Variants in PTPRM observed in about 807,000 individuals in gnomAD.
The protein encoded by PTPRM is protein tyrosine phosphatase receptor type M, also known as receptor-type tyrosine-protein phosphatase mu.
PTPRM carries 47 observed loss-of-function variants against 186.7 expected under a neutral mutation model. That is an observed-to-expected ratio of 0.25 (90% CI 0.20 to 0.32). The LOEUF (loss-of-function observed/expected upper bound fraction) is 0.32. Ranked by LOEUF, PTPRM falls within the 10% of genes least tolerant of loss-of-function variation. The probability of loss-of-function intolerance (pLI) is 1.00; values close to 1 mark genes in which losing one functional copy is unlikely to be tolerated. For synonymous variants in PTPRM, 668 were observed against 674.9 expected (o/e 0.99, Z 0.16); for missense variants, 1,494 against 1,865.0 (o/e 0.80, Z 3.66).
At chr18:8,130,173 A>T (rs888978519) in intron 13 of PTPRM, among the ~76,000 whole-genome samples, 1 of 152,132 alleles carries the variant, frequency 6.6e-6, no homozygotes, top group African/African-American at 2.4e-5. Context: ...TTCATTTCTG[A>T]TTATTTCTCA....
intron 1 of PTPRM, among the ~76,000 whole-genome samples, chr18:7,654,280 T>C (rs969818541): frequency 6.6e-6 from 1 of 152,234 alleles, no homozygotes; most frequent in South Asian, 2.1e-4. Flanking sequence ...CTGTTCATTC[T>C]GTTGATAGTT....
intron 14 of PTPRM, among the ~76,000 whole-genome samples, chr18:8,187,904 G>A (rs890878230): frequency 3.9e-5 from 6 of 152,146 alleles, no homozygotes; most frequent in Admixed American, 1.3e-4. Flanking sequence ...CATTCCATTC[G>A]CCTTTTGGAG....
chr18:7,906,262 A>G (rs938679803), intron 3 of PTPRM, among the ~76,000 whole-genome samples: 3 of 152,014 alleles, frequency 2.0e-5, no homozygotes, highest in Non-Finnish European at 2.9e-5. Flanking sequence ...TCCTTTCACT[A>G]TGGGTTTTCT....
At chr18:8,009,061 T>TA (rs1284766310) in intron 7 of PTPRM, among the ~76,000 whole-genome samples, 1 of 152,188 alleles carries the variant, frequency 6.6e-6, no homozygotes, top group African/African-American at 2.4e-5. Flanking sequence ...GTTGGAAACT[T>TA]AAGCTGAGTT....
intron 1 of PTPRM, among the ~76,000 whole-genome samples, chr18:7,654,314 G>T (rs2038796835): frequency 6.6e-6 from 1 of 152,106 alleles, no homozygotes; most frequent in African/African-American, 2.4e-5. Flanking sequence ...AAGATCTTCA[G>T]TTTAACCCAC....
intron 7 of PTPRM, among the ~76,000 whole-genome samples, chr18:8,022,358 A>T (rs2085287444): frequency 6.6e-6 from 1 of 152,226 alleles, no homozygotes; most frequent in Admixed American, 6.5e-5. Flanking sequence ...CACATGAGTA[A>T]GAGCACAAGA....
chr18:8,380,435 C>T lies in PTPRM; in HGVS notation c.3918+8C>T. On this transcript the variant is annotated splice_region_variant and intron_variant, in intron 29 of 32. Coordinates refer to ENST00000580170, the MANE Select transcript of PTPRM (RefSeq NM_001105244.2). The stretch of plus-strand genomic sequence containing the variant: ...GATGTGGATCCTGCCCAGGTGAGAC[C>T]CGGACTTCTTACAGTCAGAACTAGT... 6.2e-7 allele frequency: 1 copy of T among 1,613,976 alleles called. No homozygotes were observed. Among genetic ancestry groups the T allele is most frequent in the Non-Finnish European group, 8.5e-7 (1 of 1,179,954 alleles).
intron 4 of PTPRM, among the ~76,000 whole-genome samples, chr18:7,924,044 G>T (rs2051026411): frequency 6.6e-6 from 1 of 152,208 alleles, no homozygotes; most frequent in African/African-American, 2.4e-5. Flanking sequence ...AAAGAATAAT[G>T]GTTGGAGCAA....
intron 21 of PTPRM, among the ~76,000 whole-genome samples, chr18:8,317,282 C>T (rs559662673): frequency 2.0e-4 from 31 of 151,884 alleles, no homozygotes; most frequent in African/African-American, 6.0e-4. Flanking sequence ...AGATTGGCTA[C>T]GGGGTTCAGG....
At chr18:7,689,539 A>C (rs1316460686) in intron 1 of PTPRM, among the ~76,000 whole-genome samples, 1 of 152,224 alleles carries the variant, frequency 6.6e-6, no homozygotes, top group Non-Finnish European at 1.5e-5. Flanking sequence ...GGTTACAGTT[A>C]AGCCCTATGG....
intron 1 of PTPRM, among the ~76,000 whole-genome samples, chr18:7,636,596 AG>A (rs1242350793): frequency 2.0e-5 from 3 of 152,130 alleles, no homozygotes; most frequent in African/African-American, 7.2e-5. Context: ...CTACAGCCTA[AG>A]GGGGAGATGA....
chr18:8,015,243 AC>A (rs1172908442), intron 7 of PTPRM, among the ~76,000 whole-genome samples: 18 of 152,230 alleles, frequency 1.2e-4, no homozygotes, highest in African/African-American at 4.1e-4. Flanking sequence ...TCCACATGCT[AC>A]AGTGGCCTAC....
intron 2 of PTPRM, among the ~76,000 whole-genome samples, chr18:7,881,349 C>G (rs1403240520): frequency 6.6e-6 from 1 of 152,274 alleles, no homozygotes; most frequent in South Asian, 2.1e-4. Context: ...GCATGAGAAT[C>G]ACTTGAACCC....
At chr18:7,904,298 G>A (rs137963690) in intron 3 of PTPRM, among the ~76,000 whole-genome samples, 138 of 152,196 alleles carry the variant, frequency 9.1e-4, no homozygotes, top group African/African-American at 3.2e-3. Context: ...AATTTGTTGT[G>A]TACAACTTTG....
intron 7 of PTPRM, among the ~76,000 whole-genome samples, chr18:8,068,955 A>AC (rs1568286139): frequency 1.1e-4 from 16 of 151,636 alleles, no homozygotes; most frequent in South Asian, 4.2e-4. Context: ...CACACACACA[A>AC]AAAAATTAGC....
intron 7 of PTPRM, among the ~76,000 whole-genome samples, chr18:7,984,602 T>TATATACACACACACAC (rs1214502563): frequency 3.4e-5 from 3 of 87,196 alleles, no homozygotes; most frequent in Admixed American, 1.4e-4. Flanking sequence ...TATATATATA[T>TATATACACACACACAC]ACACACACAC....
intron 1 of PTPRM, among the ~76,000 whole-genome samples, chr18:7,716,310 G>A (rs1485674155): frequency 6.6e-6 from 1 of 150,940 alleles, no homozygotes. Flanking sequence ...CTAGCCATAT[G>A]TAGAAAACCT....
At chr18:7,686,563 G>A (rs1272098543) in intron 1 of PTPRM, among the ~76,000 whole-genome samples, 7 of 146,430 alleles carry the variant, frequency 4.8e-5, no homozygotes, top group African/African-American at 1.6e-4. Flanking sequence ...TGATGAAAAC[G>A]GATTGCCAAA....
intron 1 of PTPRM, among the ~76,000 whole-genome samples, chr18:7,724,301 C>G (rs1315998010): frequency 6.6e-6 from 1 of 152,156 alleles, no homozygotes; most frequent in Non-Finnish European, 1.5e-5. Context: ...CAAAGACAAT[C>G]ATGATCGTTT....
Sources: allele counts gnomAD v4.1 joint callset (sites outside exome capture counted in the v4.1 genomes callset), GRCh38; gene constraint gnomAD v4.1.1; transcripts MANE v1.5; gene names NCBI Gene and HGNC (gene_info 2026-07-23, HGNC 2026-07-21).